ARID2: variants seen among roughly 807,000 people sequenced by gnomAD.
ARID2 encodes AT-rich interactive domain-containing protein 2.
Under a neutral mutation model 184.6 loss-of-function variants are expected in ARID2, and 32 were observed. The ratio of observed to expected loss-of-function variants is 0.17; its 90% CI spans 0.13 to 0.23. The LOEUF is 0.23. Ranked by LOEUF, ARID2 falls within the 10% of genes least tolerant of loss-of-function variation. The probability of loss-of-function intolerance (pLI) is 1.00; values close to 1 mark genes in which losing one functional copy is unlikely to be tolerated. For missense variants in ARID2, 1,696 were observed against 2,197.6 expected, an observed-to-expected ratio of 0.77 and a Z score of 4.56; for synonymous variants, 836 against 772.6, an observed-to-expected ratio of 1.08 and a Z score of -1.36.
At chr12:45,806,203 AT>A (rs540116694) in intron 3 of ARID2, among the ~76,000 whole-genome samples, 178 of 145,592 alleles carry the variant, frequency 1.2e-3, no homozygotes, top group Admixed American at 1.2e-3. Context: ...GTTCTGTGTA[AT>A]TTTTTTTTTT....
At chr12:45,730,930 G>T (rs1476688382) in intron 2 of ARID2, among the ~76,000 whole-genome samples, 1 of 149,838 alleles carries the variant, frequency 6.7e-6, no homozygotes, top group African/African-American at 2.5e-5. Flanking sequence ...TTAAAAGGGG[G>T]CGACAGAGGG....
At chr12:45,836,532 T>C in intron 6 of ARID2, 57 bp from the exon 7 acceptor site, 1 of 1,502,366 alleles carries the variant, frequency 6.7e-7, no homozygotes, top group South Asian at 1.3e-5. Context: ...TGACTATTTC[T>C]AAAGCAATAG....
chr12:45,801,510 C>G (rs1243106526), intron 3 of ARID2, among the ~76,000 whole-genome samples: 1 of 152,032 alleles, frequency 6.6e-6, no homozygotes, highest in African/African-American at 2.4e-5. Flanking sequence ...CAATCCCAAC[C>G]TTAACAACAA....
At chr12:45,751,391 G>T (rs1941462804) in intron 3 of ARID2, among the ~76,000 whole-genome samples, 1 of 152,168 alleles carries the variant, frequency 6.6e-6, no homozygotes, top group Non-Finnish European at 1.5e-5. Flanking sequence ...GATCAGAGAG[G>T]TACAATCTGG....
At chr12:45,887,822 C>T (rs954477929) in intron 16 of ARID2, among the ~76,000 whole-genome samples, 1 of 152,070 alleles carries the variant, frequency 6.6e-6, no homozygotes, top group Admixed American at 6.6e-5. Flanking sequence ...TCTGAGGAGC[C>T]CTTTTAACTT....
At chr12:45,732,277 T>G (rs1349737547) in intron 3 of ARID2, among the ~76,000 whole-genome samples, 1 of 152,222 alleles carries the variant, frequency 6.6e-6, no homozygotes, top group African/African-American at 2.4e-5. Context: ...CTGCATAATT[T>G]GAGTTTTGCA....
At chr12:45,884,394 T>A (rs1944151650) in intron 16 of ARID2, among the ~76,000 whole-genome samples, 1 of 151,946 alleles carries the variant, frequency 6.6e-6, no homozygotes, top group African/African-American at 2.4e-5. Context: ...AGATTCTGTC[T>A]CAAACAAACA....
intron 3 of ARID2, among the ~76,000 whole-genome samples, chr12:45,753,283 C>G (rs1445771538): frequency 1.3e-5 from 2 of 150,534 alleles, no homozygotes; most frequent in Admixed American, 1.3e-4. Flanking sequence ...GCAACAAGAG[C>G]GAAACTCCAT....
intron 3 of ARID2, among the ~76,000 whole-genome samples, chr12:45,782,377 A>G (rs1942109073): frequency 2.6e-5 from 4 of 152,182 alleles, no homozygotes; most frequent in Admixed American, 6.5e-5. Flanking sequence ...CATGCCTGTA[A>G]TCCCAGCACA....
rs1207197105 is a variant in ARID2 at position 45,792,775 on chromosome 12, GTAT to G, written c.285-18636_285-18634del. Among the ~76,000 whole-genome samples, 4 of 152,026 alleles carry G rather than the reference GTAT, an allele frequency of 2.6e-5. No homozygotes were observed. The East Asian group carries it at 5.8e-4, about 22-fold the overall frequency. On this transcript the variant is annotated intron_variant, in intron 3 of 20. Coordinates refer to ENST00000334344, the MANE Select transcript of ARID2 (RefSeq NM_152641.4). ...TGTTTTTTAAAATGAGTTAAATATA[GTAT>G]TATTATAAAATTTGCTTTATCTTTA...
At chr12:45,825,056 G>A (rs1021065481) in intron 6 of ARID2, among the ~76,000 whole-genome samples, 1 of 151,874 alleles carries the variant, frequency 6.6e-6, no homozygotes, top group African/African-American at 2.4e-5. Flanking sequence ...TATTTTGGAG[G>A]TAGAGTAGAT....
chr12:45,745,807 C>T (rs572166784), intron 3 of ARID2, among the ~76,000 whole-genome samples: 3 of 152,170 alleles, frequency 2.0e-5, no homozygotes, highest in African/African-American at 7.2e-5. Context: ...CCTTGGCCTC[C>T]CAAAGTGCTG....
intron 3 of ARID2, among the ~76,000 whole-genome samples, chr12:45,781,628 A>G (rs944770455): frequency 6.6e-6 from 1 of 151,790 alleles, no homozygotes; most frequent in Non-Finnish European, 1.5e-5. Context: ...GGGCTTCACC[A>G]TAACTCTGCT....
intron 6 of ARID2, among the ~76,000 whole-genome samples, chr12:45,823,739 G>A (rs571683987): frequency 6.6e-6 from 1 of 151,562 alleles, no homozygotes; most frequent in East Asian, 1.9e-4. Flanking sequence ...ATTGAACCAG[G>A]AAGTAATGGC....
At position 45,730,131 on chromosome 12, in the gene ARID2, C is replaced by T. The variant is rs200775326; in HGVS notation, c.180C>T (p.Phe60=). The change falls in exon 2 of 21, where the codon TTC becomes TTT. Residue 60 remains phenylalanine, a synonymous_variant. Transcript: ENST00000334344. ...CCAGAGTCACTACTTTAGGCGGATT[C>T]GCGAAGGTGAGTGGAAGTTTTAATT... is the stretch of plus-strand genomic sequence containing the variant. ...LYTRVTTLGG[F]AKVSEKNQWG... The T allele has an allele frequency of 1.8e-4, 289 of 1,612,636 alleles. 1 individual carries two copies. In the East Asian group the frequency reaches 4.3e-3, roughly 24 times the overall value.
intron 16 of ARID2, among the ~76,000 whole-genome samples, chr12:45,865,774 A>AT (rs1485062682): frequency 2.0e-5 from 3 of 152,128 alleles, no homozygotes; most frequent in Non-Finnish European, 4.4e-5. Flanking sequence ...TTCTCATACT[A>AT]TAAGAGTAGT....
At chr12:45,799,822 T>A (rs925914202) in intron 3 of ARID2, among the ~76,000 whole-genome samples, 1 of 152,240 alleles carries the variant, frequency 6.6e-6, no homozygotes, top group South Asian at 2.1e-4. Flanking sequence ...ATCATGACTT[T>A]AGCTAAAACC....
Position 45,817,684 on chromosome 12 carries a change from A to G in ARID2, c.433A>G (p.Ser145Gly), listed in dbSNP as rs1304798200. ...QHSVSDYLRQ[S>G]YGLSMDFNSP... Reference sequence around the variant, plus strand: ...TTCTTTGTTAGATTATCTGCGTCAAAGTTATGGGCTGTCCATGGACTTTAA... The same window carrying G: ...TTCTTTGTTAGATTATCTGCGTCAAGGTTATGGGCTGTCCATGGACTTTAA... Residue 145 changes from serine (S) to glycine (G), a missense_variant, in exon 5 of 21, where the codon AGT becomes GGT. By Grantham distance (56) the Ser-to-Gly change is moderately conservative. Coordinates refer to ENST00000334344, the MANE Select transcript of ARID2 (RefSeq NM_152641.4). 1.9e-6 allele frequency: 3 copies of G among 1,604,434 alleles called. No homozygotes were observed. Among genetic ancestry groups the G allele is most frequent in the Non-Finnish European group, 2.5e-6 (3 of 1,177,364 alleles).
intron 16 of ARID2, 99 bp from the exon 17 acceptor site, chr12:45,891,681 C>G (rs1944303693): frequency 7.5e-7 from 1 of 1,334,444 alleles, no homozygotes; most frequent in African/African-American, 1.5e-5. Flanking sequence ...TTCAGTACAA[C>G]TGATGATTCC....
Sources: allele counts gnomAD v4.1 joint callset (sites outside exome capture counted in the v4.1 genomes callset), GRCh38; gene constraint gnomAD v4.1.1; transcripts MANE v1.5; gene names NCBI Gene and HGNC (gene_info 2026-07-23, HGNC 2026-07-21).